Variants in ZMAT5 observed in about 807,000 individuals in gnomAD.
The protein encoded by ZMAT5 is zinc finger matrin-type protein 5.
A neutral mutation model predicts 28.0 loss-of-function variants in ZMAT5; 23 were observed. That is an observed-to-expected ratio of 0.82 (90% confidence interval 0.59 to 1.16). ZMAT5 has a LOEUF of 1.16. ZMAT5 is among the 50% of genes most tolerant of loss of function. ZMAT5 has a pLI of 0.00. For missense variants in ZMAT5, 173 were observed against 212.7 expected (o/e 0.81, Z 1.16); for synonymous variants, 76 against 84.1 (o/e 0.90, Z 0.52).
chr22:29,744,817 T>C (rs1360556626), intron 2 of ZMAT5, among the ~76,000 whole-genome samples: 1 of 152,194 alleles, frequency 6.6e-6, no homozygotes, highest in East Asian at 1.9e-4. Flanking sequence ...GGCATCAGAA[T>C]TGTTTAAAGC....
intron 5 of ZMAT5, among the ~76,000 whole-genome samples, chr22:29,738,126 T>C (rs2067924301): frequency 1.3e-5 from 2 of 151,990 alleles, no homozygotes; most frequent in Admixed American, 1.3e-4. Context: ...GGGCCCAGCT[T>C]TGGGAGAGGC....
chr22:29,738,774 C>T (rs131264), intron 4 of ZMAT5, among the ~76,000 whole-genome samples: 70,444 of 151,860 alleles, frequency 0.46, 16,652 homozygotes, highest in East Asian at 0.6. Flanking sequence ...GATGCCAAGG[C>T]GGGCGGATCA....
chr22:29,763,292 C>CAATAAATAAATAAATAAATAAATAAATA lies in ZMAT5; in HGVS notation c.-28+3552_-28+3579dup, dbSNP rs201954354. On this transcript the variant is annotated intron_variant, in intron 1 of 5. Coordinates refer to ENST00000344318, the MANE Select transcript of ZMAT5 (RefSeq NM_001003692.2). ...TGGGCAACACAGCGAGACTCTGCCT[C>CAATAAATAAATAAATAAATAAATAAATA]AATAAATAAATAAATAAATAAATAA... Among the ~76,000 whole-genome samples the CAATAAATAAATAAATAAATAAATAAATA allele has an allele frequency of 1.3e-3, 176 of 140,654 alleles. 1 individual carries two copies. The highest frequency in any genetic ancestry group is 2.3e-3 in the Non-Finnish European group (146 of 64,804). 92.3% of individuals were successfully genotyped at this position (140,654 alleles called of 152,430 possible). A position where few individuals can be genotyped will look rare whatever the true frequency, so the allele number is the denominator to read the frequency against.
intron 2 of ZMAT5, among the ~76,000 whole-genome samples, chr22:29,744,785 C>T (rs2067994798): frequency 6.6e-6 from 1 of 152,204 alleles, no homozygotes; most frequent in African/African-American, 2.4e-5. Flanking sequence ...CTCAGGTTCT[C>T]TTTTAATTCA....
chr22:29,750,800 C>G (rs1485341708), intron 1 of ZMAT5, among the ~76,000 whole-genome samples: 1 of 152,132 alleles, frequency 6.6e-6, no homozygotes, highest in Non-Finnish European at 1.5e-5. Flanking sequence ...GAACACAGCT[C>G]AGGAGGAGGA....
intron 5 of ZMAT5, among the ~76,000 whole-genome samples, chr22:29,736,684 C>G (rs1277928226): frequency 1.6e-5 from 2 of 125,876 alleles, no homozygotes; most frequent in Non-Finnish European, 3.2e-5. Context: ...CGTGCCACTG[C>G]ACTTCAGCCT....
At chr22:29,765,800 G>T (rs1212473279) in intron 1 of ZMAT5, among the ~76,000 whole-genome samples, 1 of 152,026 alleles carries the variant, frequency 6.6e-6, no homozygotes, top group Non-Finnish European at 1.5e-5. Flanking sequence ...CCCGGGAGGC[G>T]GAGGTTGCAG....
intron 3 of ZMAT5, 58 bp downstream of exon 3, chr22:29,742,360 G>T (rs2147222051): frequency 6.4e-7 from 1 of 1,564,862 alleles, no homozygotes; most frequent in South Asian, 1.1e-5. Flanking sequence ...AGGTCCAAGT[G>T]GGGCAGGCTG....
At chr22:29,740,481 G>C (rs533697849) in intron 4 of ZMAT5, among the ~76,000 whole-genome samples, 169 bp downstream of exon 4, 3 of 152,272 alleles carry the variant, frequency 2.0e-5, no homozygotes, top group Non-Finnish European at 4.4e-5. Context: ...TGCTGAAGCT[G>C]TTCCTAACAC....
At chr22:29,749,746 G>C (rs1271986103) in intron 1 of ZMAT5, among the ~76,000 whole-genome samples, 1 of 152,090 alleles carries the variant, frequency 6.6e-6, no homozygotes, top group Non-Finnish European at 1.5e-5. Flanking sequence ...AACTGACATG[G>C]GGGTGGTTTC....
intron 1 of ZMAT5, among the ~76,000 whole-genome samples, 176 bp downstream of exon 1, chr22:29,766,696 G>T (rs974474464): frequency 6.6e-6 from 1 of 152,202 alleles, no homozygotes; most frequent in Non-Finnish European, 1.5e-5. Flanking sequence ...AGGGTGAAGG[G>T]TTTAACCTCC....
chr22:29,743,742 T>G (rs1469424980), intron 2 of ZMAT5, among the ~76,000 whole-genome samples: 1 of 152,218 alleles, frequency 6.6e-6, no homozygotes, highest in East Asian at 1.9e-4. Flanking sequence ...TATCTTTACT[T>G]TCATCATATA....
intron 2 of ZMAT5, 120 bp from the exon 3 acceptor site, chr22:29,742,600 T>C: frequency 1.1e-6 from 1 of 935,832 alleles, no homozygotes; most frequent in South Asian, 1.4e-5. Context: ...GAAAGAAGAG[T>C]TTCCTGTTCC....
chr22:29,746,916 A>G (rs1048456868), intron 2 of ZMAT5: 2 of 152,076 alleles, frequency 1.3e-5, no homozygotes, highest in African/African-American at 4.8e-5. Flanking sequence ...AGAGTCTCCT[A>G]GGGAGCTAGG....
chr22:29,733,044 C>T (rs973819138), intron 5 of ZMAT5, among the ~76,000 whole-genome samples: 6 of 152,204 alleles, frequency 3.9e-5, no homozygotes, highest in Non-Finnish European at 8.8e-5. Flanking sequence ...AATCCTCAGG[C>T]GAACCCCATT....
In ZMAT5 at chr22:29,731,661, T is replaced by G. The variant is rs982902660; in HGVS notation, c.384-307A>C. 4.6e-5 allele frequency: 15 copies of G among 325,030 alleles called. 2 individuals carry two copies. The highest frequency in any genetic ancestry group is 3.9e-5 in the Non-Finnish European group (7 of 178,474). The allele number at this position is 325,030 out of a possible 1,614,324, so 20.1% of individuals were successfully genotyped here. ...TGCACGTCCACAGCAGAGAATGCCA[T>G]GCGGCCTGTGTAAGAATTAAGGCAG... On this transcript the variant is annotated intron_variant, in intron 5 of 5. Coordinates refer to ENST00000344318, the MANE Select transcript of ZMAT5 (RefSeq NM_001003692.2).
At chr22:29,731,817 T>G (rs2067848706) in intron 5 of ZMAT5, 1 of 152,852 alleles carries the variant, frequency 6.5e-6, no homozygotes, top group Non-Finnish European at 1.5e-5. Flanking sequence ...AAAAAAATCC[T>G]GGAAGACACA....
At chr22:29,734,201 G>A (rs991795344) in intron 5 of ZMAT5, among the ~76,000 whole-genome samples, 3 of 152,230 alleles carry the variant, frequency 2.0e-5, no homozygotes, top group South Asian at 2.1e-4. Flanking sequence ...TGAGGCCGCC[G>A]CTGCTCTTGA....
rs189156147 is a variant in ZMAT5 at position 29,736,866 on chromosome 22, C to T, written c.383+1464G>A. ...GGTGAAACCCCGTCTCCACTAAAAA[C>T]ACACAAAAAAATTAGCCGGGCGTGG... On this transcript the variant is annotated intron_variant, in intron 5 of 5. Coordinates refer to ENST00000344318, the MANE Select transcript of ZMAT5 (RefSeq NM_001003692.2). Among the ~76,000 whole-genome samples, 247 of 147,296 alleles carry T rather than the reference C, an allele frequency of 1.7e-3. 2 individuals carry two copies. In the South Asian group the frequency reaches 0.017, roughly 10 times the overall value.
Sources: allele counts gnomAD v4.1 joint callset (sites outside exome capture counted in the v4.1 genomes callset), GRCh38; gene constraint gnomAD v4.1.1; transcripts MANE v1.5; gene names NCBI Gene and HGNC (gene_info 2026-07-23, HGNC 2026-07-21).